ZFYVE28: variants seen among roughly 807,000 people sequenced by gnomAD.
The protein encoded by ZFYVE28 is zinc finger FYVE-type containing 28.
A neutral mutation model predicts 82.1 loss-of-function variants in ZFYVE28; 40 were observed. That is an observed-to-expected ratio of 0.49 (90% CI 0.38 to 0.63). The LOEUF (loss-of-function observed/expected upper bound fraction) is 0.63, where lower values mean the gene tolerates loss of function less well. Among genes scored for constraint, ZFYVE28 ranks in the 30% least tolerant of loss-of-function variants. The pLI is 0.00. For synonymous variants in ZFYVE28, 612 were observed against 546.1 expected (o/e 1.12, Z -1.68); for missense variants, 1,321 against 1,242.1 (o/e 1.06, Z -0.96).
rs539719739 is a variant in ZFYVE28, at chr4:2,307,770, G to A, written c.804-2234C>T. Among the ~76,000 whole-genome samples the A allele has an allele frequency of 2.1e-4, 32 of 151,908 alleles. No individual in the cohort carries two copies. In the South Asian group the frequency reaches 4.4e-3, roughly 21 times the overall value. On this transcript the variant is annotated intron_variant, in intron 7 of 12. Transcript: ENST00000290974. ...TGGCCTCCCAAAGTGCTGGGATTAC[G>A]GCATGAGCCACCATGCCTGGATTTT...
chr4:2,308,954 T>C (rs1386212755), intron 7 of ZFYVE28, among the ~76,000 whole-genome samples: 1 of 152,230 alleles, frequency 6.6e-6, no homozygotes, highest in African/African-American at 2.4e-5. Flanking sequence ...ATGGAGGTCT[T>C]GGACATCGTT....
chr4:2,368,396 T>C (rs537853521), intron 1 of ZFYVE28, among the ~76,000 whole-genome samples: 1 of 138,412 alleles, frequency 7.2e-6, no homozygotes, highest in Admixed American at 7.7e-5. Flanking sequence ...CGTGAGACCC[T>C]GCCTCTACAG....
chr4:2,376,879 T>C (rs1350542515), intron 1 of ZFYVE28, among the ~76,000 whole-genome samples: 2 of 151,842 alleles, frequency 1.3e-5, no homozygotes, highest in South Asian at 2.1e-4. Flanking sequence ...TGAGCCAAGA[T>C]TGCACCACTG....
chr4:2,313,422 A>AT (rs982205277), intron 7 of ZFYVE28, among the ~76,000 whole-genome samples: 26 of 151,876 alleles, frequency 1.7e-4, no homozygotes, highest in African/African-American at 5.8e-4. Flanking sequence ...CACCACACCC[A>AT]TTTTTTTACA....
At chr4:2,330,217 T>A (rs554472984) in intron 6 of ZFYVE28, 1 of 928,638 alleles carries the variant, frequency 1.1e-6, no homozygotes, top group Non-Finnish European at 1.3e-6. Context: ...CAATTCTGAA[T>A]GTACCAAAAA....
At chr4:2,327,255 T>A (rs182234543) in intron 6 of ZFYVE28, among the ~76,000 whole-genome samples, 2 of 612 alleles carry the variant, frequency 3.3e-3, no homozygotes, top group African/African-American at 0.01. Flanking sequence ...ATCTCAAATA[T>A]ATATATATAT....
rs34092714 is a variant in ZFYVE28, at chr4:2,368,211, C to CAAA, written c.40-14141_40-14139dup. Among the ~76,000 whole-genome samples, 6 of 86,154 alleles carry CAAA rather than the reference C, an allele frequency of 7.0e-5. 1 individual carries two copies. Among genetic ancestry groups the CAAA allele is most frequent in the Non-Finnish European group, 1.1e-4 (5 of 45,390 alleles). 56.5% of individuals were successfully genotyped at this position (86,154 alleles called of 152,430 possible). On this transcript the variant is annotated intron_variant, in intron 1 of 12. Coordinates refer to ENST00000290974, the MANE Select transcript of ZFYVE28 (RefSeq NM_020972.3). ...TGGGCAACAAAGCAACACATCTCTACAAAAAAAAAAAAAAAAAAACACTGT... is the reference window on the plus strand; with the variant it reads ...TGGGCAACAAAGCAACACATCTCTACAAAAAAAAAAAAAAAAAAAAAACACTGT...
intron 1 of ZFYVE28, among the ~76,000 whole-genome samples, chr4:2,392,347 C>T (rs1729930750): frequency 6.6e-6 from 1 of 152,196 alleles, no homozygotes; most frequent in African/African-American, 2.4e-5. Context: ...CCAGTGATCA[C>T]TCTCCAGCCC....
At chr4:2,327,305 T>C (rs1720029101) in intron 6 of ZFYVE28, among the ~76,000 whole-genome samples, 1 of 60,956 alleles carries the variant, frequency 1.6e-5, no homozygotes, top group Admixed American at 2.0e-4. Context: ...TATATATATA[T>C]ATATCGAATA....
chr4:2,341,437 C>A lies in ZFYVE28; in HGVS notation c.318+41G>T, dbSNP rs199499524. Reference sequence around the variant, plus strand: ...TTCGCAGGGACTTGGCTAGACGCCACCCCACATCAGGACCTCCGAACCCGG... The same window carrying A: ...TTCGCAGGGACTTGGCTAGACGCCAACCCACATCAGGACCTCCGAACCCGG... On this transcript the variant is annotated intron_variant, in intron 3 of 12. Transcript: ENST00000290974. The surrounding 1 kb of genome is among the most constrained non-coding windows in gnomAD (Gnocchi z 4.5). 1.7e-3 allele frequency: 2,744 copies of A among 1,608,700 alleles called. 6 individuals are homozygous for A. Among genetic ancestry groups the A allele is most frequent in the Admixed American group, 2.7e-3 (160 of 59,548 alleles).
chr4:2,274,244 T>C, intron 8 of ZFYVE28, 28 bp from the exon 9 acceptor site: 1 of 1,603,704 alleles, frequency 6.2e-7, no homozygotes, highest in South Asian at 1.1e-5. Context: ...TACCGGTGTG[T>C]GGGGTGGGGC....
At chr4:2,308,537 A>C (rs1017416003) in intron 7 of ZFYVE28, among the ~76,000 whole-genome samples, 1 of 142,100 alleles carries the variant, frequency 7.0e-6, no homozygotes, top group African/African-American at 2.6e-5. Context: ...GGGGAGGGGG[A>C]GGAGAGAATG....
Position 2,370,591 on chromosome 4 carries a change from G to A in ZFYVE28, c.40-16518C>T, listed in dbSNP as rs528958903. On this transcript the variant is annotated intron_variant, in intron 1 of 12. Transcript: ENST00000290974. Reference sequence around the variant, plus strand: ...AGGTAGCCCTGGACCCAATCCTGCCGGCCCAGGGCCCAGAGCCCACCAGTG... The same window carrying A: ...AGGTAGCCCTGGACCCAATCCTGCCAGCCCAGGGCCCAGAGCCCACCAGTG... Among the ~76,000 whole-genome samples, 9 of 152,298 alleles carry A rather than the reference G, an allele frequency of 5.9e-5. No homozygotes were observed. The South Asian group carries it at 8.3e-4, about 14-fold the overall frequency.
intron 1 of ZFYVE28, among the ~76,000 whole-genome samples, chr4:2,381,207 G>A (rs945138361): frequency 2.0e-5 from 3 of 152,154 alleles, no homozygotes; most frequent in Non-Finnish European, 2.9e-5. Context: ...ATGTTTTAGC[G>A]AAGAGACTGG....
rs569083701 is a variant in ZFYVE28, at chr4:2,341,340, C to A, written c.318+138G>T. On this transcript the variant is annotated intron_variant, in intron 3 of 12. Coordinates refer to ENST00000290974, the MANE Select transcript of ZFYVE28 (RefSeq NM_020972.3). This position sits in a 1 kb window ranked among gnomAD's most constrained non-coding sequence, Gnocchi z 4.5. ...GGCCTACCAGGCTCAGACCACACCACGTAACCCAGAGTGGACGGAGCTCTT... is the reference window on the plus strand; with the variant it reads ...GGCCTACCAGGCTCAGACCACACCAAGTAACCCAGAGTGGACGGAGCTCTT... The A allele has an allele frequency of 4.8e-6, 6 of 1,243,164 alleles. No individual in the cohort carries two copies. Among genetic ancestry groups the A allele is most frequent in the Non-Finnish European group, 5.6e-6 (5 of 888,772 alleles). The allele number at this position is 1,243,164 out of a possible 1,614,324, so 77.0% of individuals were successfully genotyped here.
intron 2 of ZFYVE28, among the ~76,000 whole-genome samples, chr4:2,353,714 C>G (rs901085829): frequency 2.6e-5 from 4 of 152,204 alleles, no homozygotes; most frequent in African/African-American, 9.6e-5. Context: ...CCTCTGCTCC[C>G]CCAAGTGTCC....
chr4:2,308,196 C>T (rs936650881), intron 7 of ZFYVE28, among the ~76,000 whole-genome samples: 4 of 151,958 alleles, frequency 2.6e-5, no homozygotes, highest in Non-Finnish European at 5.9e-5. Flanking sequence ...CACAGCTCAC[C>T]GTAGCCTCGA....
rs550481215 is a variant in ZFYVE28, at chr4:2,303,514, C to T, written c.2051+775G>A. Among the ~76,000 whole-genome samples, 12 of 152,318 alleles carry T rather than the reference C, an allele frequency of 7.9e-5. No homozygotes were observed. In the South Asian group the frequency reaches 2.5e-3, roughly 32 times the overall value. Reference sequence around the variant, plus strand: ...GCGAGGCCTATAGACACGGCCACAGCCAGAGTGGGAGCCCTGTAGGGCAGG... The same window carrying T: ...GCGAGGCCTATAGACACGGCCACAGTCAGAGTGGGAGCCCTGTAGGGCAGG... On this transcript the variant is annotated intron_variant, in intron 8 of 12. Coordinates refer to ENST00000290974, the MANE Select transcript of ZFYVE28 (RefSeq NM_020972.3).
intron 8 of ZFYVE28, among the ~76,000 whole-genome samples, chr4:2,301,928 T>C (rs1715603825): frequency 6.6e-6 from 1 of 152,206 alleles, no homozygotes; most frequent in Non-Finnish European, 1.5e-5. Flanking sequence ...CTGTTCATCG[T>C]GGCACGTCTG....
Sources: gnomAD v4.1 joint callset for allele counts (sites outside exome capture counted in the v4.1 genomes callset) on GRCh38, gnomAD v4.1.1 for gene constraint, Gnocchi (gnomAD v3.1) non-coding constraint, MANE v1.5 for transcripts, NCBI Gene and HGNC (gene_info 2026-07-23, HGNC 2026-07-21) for gene names.